The following CLDN10 variants were observed in gnomAD, a reference collection of about 807,000 sequenced individuals.
CLDN10 encodes claudin-10.
A neutral mutation model predicts 22.9 loss-of-function variants in CLDN10; 15 were observed. The ratio of observed to expected loss-of-function variants is 0.65; its 90% CI spans 0.44 to 1.01. The LOEUF is 1.01. Among genes scored for constraint, CLDN10 ranks in the 50% least tolerant of loss-of-function variants. The pLI, the probability that CLDN10 is intolerant of heterozygous loss-of-function variation, is 0.00. For missense variants in CLDN10, 247 were observed against 287.8 expected (o/e 0.86, Z 1.03); for synonymous variants, 114 against 111.4 (o/e 1.02, Z -0.15).
upstream of CLDN10, among the ~76,000 whole-genome samples, chr13:95,551,336 TGGTCCTGAAGGGTGG>T (rs2043564080): frequency 6.6e-6 from 1 of 152,222 alleles, no homozygotes; most frequent in Non-Finnish European, 1.5e-5. Context: ...ACTGAACTGC[TGGTCCTGAAGGGTGG>T]AGCATGGGCT....
chr13:95,535,103 G>C (rs1429884441), intron 1 of CLDN10, among the ~76,000 whole-genome samples: 2 of 152,150 alleles, frequency 1.3e-5, no homozygotes, highest in Non-Finnish European at 2.9e-5. Flanking sequence ...ATGCATGCTT[G>C]CTATGATCCA....
chr13:95,540,355 G>A (rs2043447305), intron 1 of CLDN10, among the ~76,000 whole-genome samples: 1 of 150,710 alleles, frequency 6.6e-6, no homozygotes, highest in African/African-American at 2.4e-5. Context: ...AGCCTGGCAT[G>A]GTGGCATGCG....
Position 95,517,698 on chromosome 13 carries a change from G to T in CLDN10, c.215-42434G>T, listed in dbSNP as rs559846951. Among the ~76,000 whole-genome samples, 170 of 152,274 alleles carry T rather than the reference G, an allele frequency of 1.1e-3. 2 individuals carry two copies. The highest frequency in any genetic ancestry group is 4.0e-3 in the African/African-American group (166 of 41,554). On this transcript the variant is annotated intron_variant, in intron 1 of 4. Coordinates refer to the CLDN10 transcript ENST00000376873. ...TGCCTCTAATCCCAGCACTTTGGGA[G>T]GCTGAGGCGGGTGGATCACCTGAGG...
chr13:95,470,632 T>G (rs2139100539), intron 1 of CLDN10, among the ~76,000 whole-genome samples: 1 of 152,226 alleles, frequency 6.6e-6, no homozygotes. Flanking sequence ...TCCATGGAAC[T>G]CTCATCTTAG....
At chr13:95,502,539 A>G (rs1354764229) in intron 1 of CLDN10, among the ~76,000 whole-genome samples, 2 of 152,048 alleles carry the variant, frequency 1.3e-5, no homozygotes, top group Non-Finnish European at 2.9e-5. Context: ...TTGTTTTTTG[A>G]GACAGAGTCC....
chr13:95,569,633 TA>T (rs1028788435), intron 3 of CLDN10, among the ~76,000 whole-genome samples: 1 of 152,162 alleles, frequency 6.6e-6, no homozygotes, highest in Non-Finnish European at 1.5e-5. Context: ...AAGGCTTGTG[TA>T]ATTTAAAAAT....
intron 1 of CLDN10, among the ~76,000 whole-genome samples, chr13:95,440,210 C>T (rs779886521): frequency 6.6e-6 from 1 of 152,186 alleles, no homozygotes; most frequent in East Asian, 1.9e-4. Context: ...CCATGCCTGG[C>T]CAATATTAAT....
At chr13:95,556,414 A>T (rs1334568697) in intron 1 of CLDN10, among the ~76,000 whole-genome samples, 1 of 152,172 alleles carries the variant, frequency 6.6e-6, no homozygotes, top group Non-Finnish European at 1.5e-5. Flanking sequence ...TGTTTTCCTT[A>T]TAAGAAAAAT....
chr13:95,469,965 A>C (rs1238169000), intron 1 of CLDN10, among the ~76,000 whole-genome samples: 2 of 152,228 alleles, frequency 1.3e-5, no homozygotes, highest in African/African-American at 4.8e-5. Context: ...TCTATTTTTA[A>C]AACAATACAA....
At chr13:95,457,621 T>A (rs555648828) in intron 1 of CLDN10, among the ~76,000 whole-genome samples, 1 of 152,228 alleles carries the variant, frequency 6.6e-6, no homozygotes, top group Admixed American at 6.5e-5. Flanking sequence ...CCTTAGTTCT[T>A]CCCAGTTATC....
Position 95,579,273 on chromosome 13 carries a change from T to C in CLDN10, c.*1259T>C, listed in dbSNP as rs2043981833. On this transcript the variant is annotated 3_prime_UTR_variant, in exon 5 of 5. Transcript: ENST00000299339. ...GGATAACTGAGAGACTTGTCATTTCTAAAGACATTTAAGTTGCTCCAGGGA... is the reference window on the plus strand; with the variant it reads ...GGATAACTGAGAGACTTGTCATTTCCAAAGACATTTAAGTTGCTCCAGGGA... 6.6e-6 allele frequency: 1 copy of C among 152,238 alleles called. No homozygotes were observed. Among genetic ancestry groups the C allele is most frequent in the South Asian group, 2.1e-4 (1 of 4,830 alleles). 9.4% of individuals were successfully genotyped at this position (152,238 alleles called of 1,614,324 possible). A position where few individuals can be genotyped will look rare whatever the true frequency, so the allele number is the denominator to read the frequency against.
In CLDN10 at chr13:95,451,451, G is replaced by A. The variant is rs576445877; in HGVS notation, c.214+17404G>A. 2.0e-5 allele frequency among the ~76,000 whole-genome samples: 3 copies of A among 152,232 alleles called. No homozygotes were observed. The South Asian group carries it at 6.2e-4, about 32-fold the overall frequency. ...TTGGTACTTCTGTTTTGTTTTTAGA[G>A]ATATGGTCTCGCTCTGTCACCCAGG... On this transcript the variant is annotated intron_variant, in intron 1 of 4. Transcript: ENST00000376873.
intron 1 of CLDN10, among the ~76,000 whole-genome samples, chr13:95,516,488 T>C (rs2043169179): frequency 6.6e-6 from 1 of 152,078 alleles, no homozygotes; most frequent in African/African-American, 2.4e-5. Flanking sequence ...GCACATTGCT[T>C]TGTGAATGCT....
intron 1 of CLDN10, among the ~76,000 whole-genome samples, chr13:95,472,962 G>A (rs371108832): frequency 4.6e-5 from 7 of 152,062 alleles, no homozygotes; most frequent in African/African-American, 1.7e-4. Flanking sequence ...GCAACACAGG[G>A]AGACTTGTCA....
chr13:95,451,097 G>A (rs868051406), intron 1 of CLDN10, among the ~76,000 whole-genome samples: 5 of 152,220 alleles, frequency 3.3e-5, no homozygotes, highest in Non-Finnish European at 7.3e-5. Flanking sequence ...ATGGCAGGAT[G>A]CAAATGTGAG....
intron 1 of CLDN10, among the ~76,000 whole-genome samples, chr13:95,467,406 C>CT (rs759370574): frequency 6.6e-6 from 1 of 152,082 alleles, no homozygotes; most frequent in Non-Finnish European, 1.5e-5. Flanking sequence ...TAGTCTCATA[C>CT]TTTTTTTAAA....
At chr13:95,548,718 G>A (rs1345670588), upstream of CLDN10, among the ~76,000 whole-genome samples, 1 of 152,178 alleles carries the variant, frequency 6.6e-6, no homozygotes, top group East Asian at 1.9e-4. Context: ...TTAATGTGAT[G>A]TAACAATACT....
intron 1 of CLDN10, among the ~76,000 whole-genome samples, chr13:95,532,973 G>A (rs2043361429): frequency 6.6e-6 from 1 of 151,904 alleles, no homozygotes; most frequent in Non-Finnish European, 1.5e-5. Flanking sequence ...AAAAACGGGG[G>A]GAGTGGGATC....
intron 1 of CLDN10, among the ~76,000 whole-genome samples, chr13:95,530,286 C>T (rs1302474430): frequency 1.3e-5 from 2 of 152,170 alleles, no homozygotes; most frequent in African/African-American, 2.4e-5. Context: ...TCCAGAACTG[C>T]TGTTTACTTT....
Sources: allele counts gnomAD v4.1 joint callset (sites outside exome capture counted in the v4.1 genomes callset), GRCh38; gene constraint gnomAD v4.1.1; transcripts MANE v1.5; gene names NCBI Gene and HGNC (gene_info 2026-07-23, HGNC 2026-07-21).